Variants in COL15A1 observed in about 807,000 individuals in gnomAD.
COL15A1 encodes collagen type XV alpha 1 chain, also known as collagen alpha-1(XV) chain.
Under a neutral mutation model 165.9 loss-of-function variants are expected in COL15A1, and 111 were observed. The observed-to-expected ratio is 0.67, with a 90% CI of 0.57 to 0.78. The LOEUF is 0.78. Among genes scored for constraint, COL15A1 ranks in the 30% least tolerant of loss-of-function variants. COL15A1 has a pLI of 0.00. For synonymous variants in COL15A1, 659 were observed against 674.8 expected (o/e 0.98, Z 0.36); for missense variants, 1,745 against 1,789.7 (o/e 0.98, Z 0.45).
chr9:99,052,093 A>G (rs1316403557), intron 30 of COL15A1, among the ~76,000 whole-genome samples: 6 of 152,318 alleles, frequency 3.9e-5, no homozygotes, highest in Admixed American at 6.5e-5. Flanking sequence ...CACCACTGCC[A>G]CGATTTGTTG....
chr9:99,060,234 T>TTATA (rs1203751452), intron 36 of COL15A1, among the ~76,000 whole-genome samples: 47 of 84,852 alleles, frequency 5.5e-4, no homozygotes, highest in East Asian at 5.5e-3. Context: ...TTATATATTT[T>TTATA]TATATATATA....
At chr9:98,983,013 A>G (rs1838254914) in intron 2 of COL15A1, among the ~76,000 whole-genome samples, 1 of 152,036 alleles carries the variant, frequency 6.6e-6, no homozygotes, top group African/African-American at 2.4e-5. Context: ...CAACAACGCT[A>G]TAGGCTAATT....
chr9:99,018,500 T>G (rs1474911798), intron 11 of COL15A1, among the ~76,000 whole-genome samples: 1 of 152,198 alleles, frequency 6.6e-6, no homozygotes, highest in African/African-American at 2.4e-5. Context: ...CTTCTAGGAA[T>G]TGATTCTAGT....
chr9:99,023,560 G>T (rs1178184312), intron 14 of COL15A1, 111 bp downstream of exon 14: 1 of 615,438 alleles, frequency 1.6e-6, no homozygotes, highest in Non-Finnish European at 3.0e-6. Context: ...TGCTGCTGGG[G>T]TTGCCGGCAG....
intron 2 of COL15A1, among the ~76,000 whole-genome samples, chr9:98,968,809 G>T (rs1252103810): frequency 6.6e-6 from 1 of 152,162 alleles, no homozygotes; most frequent in African/African-American, 2.4e-5. Flanking sequence ...GGGGGCGGGG[G>T]CGGGGAAGGA....
chr9:99,000,474 T>C (rs1453877383), intron 6 of COL15A1, among the ~76,000 whole-genome samples: 1 of 152,184 alleles, frequency 6.6e-6, no homozygotes. Context: ...ACAATGAACA[T>C]TTATCAATTG....
chr9:99,034,080 G>A (rs984619543), intron 16 of COL15A1, among the ~76,000 whole-genome samples: 1 of 152,090 alleles, frequency 6.6e-6, no homozygotes, highest in Admixed American at 6.5e-5. Flanking sequence ...GCCAGCTTTG[G>A]GTCTTTAGAT....
intron 2 of COL15A1, among the ~76,000 whole-genome samples, chr9:98,973,994 G>C (rs1391067756): frequency 6.6e-6 from 1 of 152,320 alleles, no homozygotes; most frequent in Non-Finnish European, 1.5e-5. Context: ...TGCCAAGTTG[G>C]TGGCAGAGTC....
At chr9:99,051,773 G>A (rs1001056597) in intron 30 of COL15A1, among the ~76,000 whole-genome samples, 8 of 152,250 alleles carry the variant, frequency 5.3e-5, no homozygotes, top group Admixed American at 3.9e-4. Flanking sequence ...GGTTTCAAGT[G>A]GCTTTGTCTG....
intron 11 of COL15A1, among the ~76,000 whole-genome samples, chr9:99,017,490 A>C (rs945148162): frequency 6.6e-6 from 1 of 152,182 alleles, no homozygotes; most frequent in Non-Finnish European, 1.5e-5. Context: ...CCTTGTCATC[A>C]TCTATAAAAG....
chr9:98,997,911 C>G (rs1424565379), intron 6 of COL15A1: 1 of 152,198 alleles, frequency 6.6e-6, no homozygotes, highest in Non-Finnish European at 1.5e-5. Flanking sequence ...CAGCACTGTT[C>G]TTAGGAACAA....
At chr9:99,060,607 C>T (rs535907559) in intron 36 of COL15A1, among the ~76,000 whole-genome samples, 6 of 152,138 alleles carry the variant, frequency 3.9e-5, no homozygotes, top group African/African-American at 7.2e-5. Flanking sequence ...TAAACCTGCT[C>T]GGGTGCGGTG....
chr9:98,982,990 C>T lies in COL15A1; in HGVS notation c.101-2575C>T, dbSNP rs145499670. Among the ~76,000 whole-genome samples, 481 of 152,288 alleles carry T rather than the reference C, an allele frequency of 3.2e-3. 1 individual carries two copies. The highest frequency in any genetic ancestry group is 6.8e-3 in the Middle Eastern group (2 of 294). On this transcript the variant is annotated intron_variant, in intron 2 of 41. Transcript: ENST00000375001. Reference sequence around the variant, plus strand: ...CATGTGCCAGCACTTTGTATTATGTCCTTTAATCCTCACAACAACGCTATA... The same window carrying T: ...CATGTGCCAGCACTTTGTATTATGTTCTTTAATCCTCACAACAACGCTATA...
chr9:99,065,616 C>T (rs986192988), intron 39 of COL15A1, among the ~76,000 whole-genome samples: 4 of 148,686 alleles, frequency 2.7e-5, no homozygotes, highest in Non-Finnish European at 5.9e-5. Flanking sequence ...TGGCTCAGTG[C>T]GGGGCAGGAA....
At chr9:99,049,579 T>C (rs1588533655) in intron 28 of COL15A1, 111 bp from the exon 29 acceptor site, 1 of 1,346,750 alleles carries the variant, frequency 7.4e-7, no homozygotes, top group East Asian at 2.5e-5. Flanking sequence ...AGAGAGAAGT[T>C]GGTTGGCTTC....
At chr9:99,066,801 C>A (rs1825901437) in intron 39 of COL15A1, 81 bp from the exon 40 acceptor site, 9 of 1,324,286 alleles carry the variant, frequency 6.8e-6, no homozygotes, top group South Asian at 1.4e-5. Flanking sequence ...AGTCTGGAAT[C>A]TTTGCAGGAA....
intron 9 of COL15A1, among the ~76,000 whole-genome samples, chr9:99,012,814 T>G (rs1261542305): frequency 6.8e-6 from 1 of 146,374 alleles, no homozygotes; most frequent in Non-Finnish European, 1.5e-5. Flanking sequence ...TGGGTTCAAG[T>G]GATTCTCCTG....
chr9:98,999,337 G>A (rs776339231), intron 6 of COL15A1, among the ~76,000 whole-genome samples: 3 of 148,048 alleles, frequency 2.0e-5, no homozygotes, highest in South Asian at 4.3e-4. Context: ...CCTGTCATGG[G>A]GTGATAGTGG....
chr9:99,040,090 A>T (rs1413354690), intron 22 of COL15A1, among the ~76,000 whole-genome samples: 1 of 152,224 alleles, frequency 6.6e-6, no homozygotes, highest in Non-Finnish European at 1.5e-5. Flanking sequence ...AAAACCAATA[A>T]TCCAAAATAC....
Sources: allele counts gnomAD v4.1 joint callset (sites outside exome capture counted in the v4.1 genomes callset), GRCh38; gene constraint gnomAD v4.1.1; transcripts MANE v1.5; gene names NCBI Gene and HGNC (gene_info 2026-07-23, HGNC 2026-07-21).